COL13A1: variants seen among roughly 807,000 people sequenced by gnomAD.
The protein encoded by COL13A1 is collagen alpha-1(XIII) chain.
COL13A1 carries 89 observed loss-of-function variants against 130.9 expected under a neutral mutation model. The observed-to-expected ratio is 0.68, with a 90% CI of 0.57 to 0.81. COL13A1 has a LOEUF of 0.81. Among genes scored for constraint, COL13A1 ranks in the 30% least tolerant of loss-of-function variants. COL13A1 has a pLI of 0.00. For synonymous variants in COL13A1, 402 were observed against 341.6 expected, an observed-to-expected ratio of 1.18 and a Z score of -1.95; for missense variants, 879 against 934.6, an observed-to-expected ratio of 0.94 and a Z score of 0.78.
chr10:69,944,456 G>C (rs2068142327), intron 36 of COL13A1, among the ~76,000 whole-genome samples: 1 of 152,112 alleles, frequency 6.6e-6, no homozygotes, highest in Admixed American at 6.5e-5. Context: ...AGGAGTCTGA[G>C]ACCAGCCTGG....
chr10:69,858,669 C>T (rs879571886), intron 2 of COL13A1, among the ~76,000 whole-genome samples: 1 of 152,234 alleles, frequency 6.6e-6, no homozygotes, highest in South Asian at 2.1e-4. Context: ...AAGAGACGAG[C>T]ATGGTCTGAA....
rs760796157 is a variant in COL13A1, at chr10:69,905,865, C to T, written c.921+43C>T. The T allele has an allele frequency of 1.5e-5, 24 of 1,606,476 alleles. No homozygotes were observed. In the South Asian group the frequency reaches 2.1e-4, roughly 14 times the overall value. On this transcript the variant is annotated intron_variant, in intron 17 of 40. Transcript: ENST00000645393. ...GACCCAAGTGGGGCAGGACTTTGGA[C>T]AAATCAGTGGCCTACTGGACCTCAG... is the stretch of plus-strand genomic sequence containing the variant.
At chr10:69,846,367 C>A (rs1261676785) in intron 2 of COL13A1, among the ~76,000 whole-genome samples, 2 of 152,036 alleles carry the variant, frequency 1.3e-5, no homozygotes, top group African/African-American at 2.4e-5. Context: ...TGGACATAAC[C>A]CGAGCTGGGG....
intron 1 of COL13A1, among the ~76,000 whole-genome samples, chr10:69,808,555 C>T (rs1842167944): frequency 6.6e-6 from 1 of 152,206 alleles, no homozygotes; most frequent in Non-Finnish European, 1.5e-5. Flanking sequence ...TCCAGTGGCA[C>T]GGAGAACAGC....
At chr10:69,882,422 C>G (rs1438478074) in intron 7 of COL13A1, among the ~76,000 whole-genome samples, 1 of 152,246 alleles carries the variant, frequency 6.6e-6, no homozygotes, top group Non-Finnish European at 1.5e-5. Flanking sequence ...TAATCAGAAA[C>G]ATATCTACTG....
chr10:69,816,949 C>CT (rs1275988926), intron 1 of COL13A1, among the ~76,000 whole-genome samples: 4 of 152,160 alleles, frequency 2.6e-5, no homozygotes, highest in Non-Finnish European at 5.9e-5. Context: ...GGATTATTCT[C>CT]TTTTCCGTTT....
At chr10:69,811,725 C>T (rs1056813085) in intron 1 of COL13A1, among the ~76,000 whole-genome samples, 3 of 152,148 alleles carry the variant, frequency 2.0e-5, no homozygotes, top group Admixed American at 2.0e-4. Context: ...CCTTATATTG[C>T]TGACTGTTCC....
At chr10:69,848,924 C>T (rs977099832) in intron 2 of COL13A1, among the ~76,000 whole-genome samples, 1 of 152,180 alleles carries the variant, frequency 6.6e-6, no homozygotes, top group Non-Finnish European at 1.5e-5. Context: ...CCTGCCTTTG[C>T]TTCTGTGGTG....
intron 4 of COL13A1, among the ~76,000 whole-genome samples, chr10:69,872,710 T>G (rs2704523): frequency 0.94 from 143,315 of 152,304 alleles, 68,065 homozygotes; most frequent in East Asian, 1. Context: ...GGACAAAAAA[T>G]ATAGCCATCT....
intron 17 of COL13A1, among the ~76,000 whole-genome samples, chr10:69,909,982 G>A (rs2063185908): frequency 6.6e-6 from 1 of 152,168 alleles, no homozygotes; most frequent in African/African-American, 2.4e-5. Context: ...GCCTCATCAA[G>A]CCCTGTGGCC....
chr10:69,937,447 G>A (rs1465814692), intron 33 of COL13A1, among the ~76,000 whole-genome samples, 188 bp from the exon 34 acceptor site: 1 of 152,156 alleles, frequency 6.6e-6, no homozygotes, highest in Non-Finnish European at 1.5e-5. Context: ...AGCTCCCACA[G>A]GATACAGGGG....
At chr10:69,802,790 C>G (rs900928809) in intron 1 of COL13A1, 73 bp downstream of exon 1, 2 of 1,564,294 alleles carry the variant, frequency 1.3e-6, no homozygotes, top group Non-Finnish European at 1.7e-6. Flanking sequence ...ACTGTTCAGC[C>G]GGTGTCCGCG....
At chr10:69,947,380 A>T in intron 38 of COL13A1, 38 bp downstream of exon 38, 1 of 1,577,612 alleles carries the variant, frequency 6.3e-7, no homozygotes, top group East Asian at 2.3e-5. Flanking sequence ...CTAGTTACTA[A>T]TGTCTTCATG....
At chr10:69,903,588 T>G (rs1298576439) in intron 15 of COL13A1, among the ~76,000 whole-genome samples, 4 of 152,216 alleles carry the variant, frequency 2.6e-5, no homozygotes, top group Non-Finnish European at 5.9e-5. Context: ...AAAACGGGTC[T>G]TCCACCCACC....
intron 6 of COL13A1, 147 bp downstream of exon 6, chr10:69,878,212 C>T (rs1589246656): frequency 1.3e-5 from 8 of 626,342 alleles, no homozygotes; most frequent in East Asian, 2.8e-5. Context: ...CTCACGGCCC[C>T]GTTTCCTAAC....
At chr10:69,931,677 G>T (rs1457579793) in intron 30 of COL13A1, among the ~76,000 whole-genome samples, 1 of 152,212 alleles carries the variant, frequency 6.6e-6, no homozygotes, top group African/African-American at 2.4e-5. Context: ...CCAGGATGGA[G>T]GGAGCATTCC....
intron 2 of COL13A1, chr10:69,860,564 A>G (rs1857724285): frequency 6.4e-6 from 1 of 155,366 alleles, no homozygotes; most frequent in Non-Finnish European, 1.4e-5. Context: ...CCTTTCATTC[A>G]CCCAGAATTA....
chr10:69,887,721 C>A (rs1052306858), intron 8 of COL13A1, among the ~76,000 whole-genome samples: 1 of 152,174 alleles, frequency 6.6e-6, no homozygotes, highest in African/African-American at 2.4e-5. Context: ...TAAGGGGCAG[C>A]AGGACAGGCC....
chr10:69,945,024 G>A (rs1388613103), intron 36 of COL13A1, among the ~76,000 whole-genome samples: 2 of 152,242 alleles, frequency 1.3e-5, no homozygotes, highest in African/African-American at 2.4e-5. Context: ...GGGCATGTCC[G>A]AGGGTGAGGG....
Sources: gnomAD v4.1 joint callset for allele counts (sites outside exome capture counted in the v4.1 genomes callset) on GRCh38, gnomAD v4.1.1 for gene constraint, MANE v1.5 for transcripts, NCBI Gene and HGNC (gene_info 2026-07-23, HGNC 2026-07-21) for gene names.